The following MTRR variants were observed in gnomAD, a reference collection of about 807,000 sequenced individuals.
MTRR encodes 5-methyltetrahydrofolate-homocysteine methyltransferase reductase.
A neutral mutation model predicts 79.2 loss-of-function variants in MTRR; 63 were observed. That is an observed-to-expected ratio of 0.80 (90% CI 0.65 to 0.98). MTRR has a LOEUF of 0.98. MTRR is among the 50% of genes least tolerant of loss of function. MTRR has a pLI of 0.00. For missense variants in MTRR, 895 were observed against 839.6 expected (o/e 1.07, Z -0.82); for synonymous variants, 355 against 313.3 (o/e 1.13, Z -1.41).
At chr5:7,898,758 A>AG (rs1040973312) in intron 14 of MTRR, among the ~76,000 whole-genome samples, 2 of 152,212 alleles carry the variant, frequency 1.3e-5, no homozygotes, top group African/African-American at 4.8e-5. Context: ...GTGAGGGGCC[A>AG]GGACATGTTC....
intron 8 of MTRR, 124 bp downstream of exon 8, chr5:7,886,827 T>A: frequency 1.3e-6 from 1 of 762,326 alleles, no homozygotes; most frequent in African/African-American, 1.7e-5. Flanking sequence ...ATAGCATGTT[T>A]TTAATATTAG....
chr5:7,861,314 T>C (rs751499927), intron 1 of MTRR: 3 of 1,046,246 alleles, frequency 2.9e-6, no homozygotes, highest in South Asian at 4.1e-5. Context: ...TAATCCAAAA[T>C]ATTTATTATA....
intron 10 of MTRR, among the ~76,000 whole-genome samples, chr5:7,892,510 A>C (rs1285539087): frequency 6.6e-6 from 1 of 152,174 alleles, no homozygotes. Flanking sequence ...AAGCAAATAA[A>C]ATTGGAAACT....
chr5:7,900,583 C>T lies in MTRR; in HGVS notation c.*525C>T, dbSNP rs1206966896. On this transcript the variant is annotated 3_prime_UTR_variant, in exon 15 of 15. Transcript: ENST00000440940. ...GTAACTATCAAATGGTTATTTGTTA[C>T]TAAAGCTATATTTCTGATAAAAAAT... The T allele has an allele frequency of 6.5e-6, 1 of 153,410 alleles. No homozygotes were observed. The highest frequency in any genetic ancestry group is 1.5e-5 in the Non-Finnish European group (1 of 68,652). The allele number at this position is 153,410 out of a possible 1,614,324, so 9.5% of individuals were successfully genotyped here. A position where few individuals can be genotyped will look rare whatever the true frequency, so the allele number is the denominator to read the frequency against.
intron 6 of MTRR, among the ~76,000 whole-genome samples, chr5:7,884,665 C>G (rs1007122744): frequency 3.3e-5 from 5 of 152,078 alleles, no homozygotes; most frequent in Admixed American, 1.3e-4. Flanking sequence ...TCCATGGGCC[C>G]CCTTCCTACC....
chr5:7,886,847 G>GT lies in MTRR; in HGVS notation c.1146+145dup. 3 of 694,220 alleles carry GT rather than the reference G, an allele frequency of 4.3e-6. No individual in the cohort carries two copies. In the South Asian group the frequency reaches 4.8e-5, roughly 11 times the overall value. The allele number at this position is 694,220 out of a possible 1,614,324, so 43.0% of individuals were successfully genotyped here. A position where few individuals can be genotyped will look rare whatever the true frequency, so the allele number is the denominator to read the frequency against. ...ATGTTTTTAATATTAGTTCCCAAGG[G>GT]TGTGTGCTATCATCGTAACTATCAT... On this transcript the variant is annotated intron_variant, in intron 8 of 14. Transcript: ENST00000440940.
chr5:7,888,804 TA>T lies in MTRR; in HGVS notation c.1147-285del, dbSNP rs1362971894. Among the ~76,000 whole-genome samples the T allele has an allele frequency of 3.3e-5, 5 of 152,346 alleles. No homozygotes were observed. The East Asian group carries it at 9.6e-4, about 29-fold the overall frequency. ...TTAATAACTTGTAATTGCATTGAAA[TA>T]AAAAATTCTTACTAGCAAGTTTGAT... On this transcript the variant is annotated intron_variant, in intron 8 of 14. Coordinates refer to ENST00000440940, the MANE Select transcript of MTRR (RefSeq NM_002454.3).
chr5:7,880,729 G>A (rs1009115974), intron 5 of MTRR, among the ~76,000 whole-genome samples: 5 of 152,146 alleles, frequency 3.3e-5, no homozygotes, highest in African/African-American at 1.2e-4. Flanking sequence ...TAACGTCATA[G>A]GCCAATAATT....
Position 7,900,033 on chromosome 5 carries a change from G to A in MTRR, c.2072G>A (p.Arg691His), listed in dbSNP as rs1320146714. 31 of 1,613,648 alleles carry A rather than the reference G, an allele frequency of 1.9e-5. No homozygotes were observed. The highest frequency in any genetic ancestry group is 2.7e-5 in the African/African-American group (2 of 74,862). Residue 691 changes from arginine (R) to histidine (H), a missense_variant, in exon 15 of 15, where the codon CGC becomes CAC. Arg to His is a conservative substitution (Grantham distance 29). Coordinates refer to ENST00000440940, the MANE Select transcript of MTRR (RefSeq NM_002454.3). The part of the protein sequence containing the change: ...KTLATLKEEK[R>H]YLQDIWS Reference sequence around the variant, plus strand: ...CTGGCCACTTTAAAAGAAGAAAAACGCTACCTTCAGGATATTTGGTCATAA... The same window carrying A: ...CTGGCCACTTTAAAAGAAGAAAAACACTACCTTCAGGATATTTGGTCATAA...
intron 8 of MTRR, among the ~76,000 whole-genome samples, chr5:7,888,614 T>A (rs1175179268): frequency 1.3e-5 from 2 of 152,198 alleles, no homozygotes; most frequent in Non-Finnish European, 2.9e-5. Context: ...TTGGGAACAG[T>A]GATTTTGTCC....
chr5:7,878,782 T>C (rs1735016148), intron 5 of MTRR, among the ~76,000 whole-genome samples: 1 of 152,236 alleles, frequency 6.6e-6, no homozygotes, highest in African/African-American at 2.4e-5. Context: ...AATAGCTAAT[T>C]TCTCCCCACA....
At chr5:7,866,532 G>A (rs1285808549), upstream of MTRR, 12 of 771,656 alleles carry the variant, frequency 1.6e-5, no homozygotes, top group East Asian at 2.0e-4. Flanking sequence ...TCTCATCTTC[G>A]GATCACTATG....
At chr5:7,853,248 A>G (rs952587451) in intron 1 of MTRR, among the ~76,000 whole-genome samples, 4 of 152,102 alleles carry the variant, frequency 2.6e-5, no homozygotes, top group Admixed American at 2.6e-4. Context: ...ATGGTTTTAT[A>G]AGGGGCTCCT....
chr5:7,873,507 C>A lies in MTRR; in HGVS notation c.264C>A (p.His88Gln), dbSNP rs770540418. The change falls in exon 3 of 15, where the codon CAC (histidine) becomes CAA (glutamine). Residue 88 changes from histidine to glutamine, a missense_variant. Transcript: ENST00000440940. ...NQTLPVDFFA[H>Q]LRYGLLGLGD... is the part of the protein sequence containing the mutation. ...CACTGCCGGTTGATTTCTTTGCTCACCTGCGGTATGGGTTACTGGGTAATG... is the reference window on the plus strand; with the variant it reads ...CACTGCCGGTTGATTTCTTTGCTCAACTGCGGTATGGGTTACTGGGTAATG... 1.9e-6 allele frequency: 3 copies of A among 1,614,178 alleles called. No individual in the cohort carries two copies. Among genetic ancestry groups the A allele is most frequent in the African/African-American group, 2.7e-5 (2 of 75,040 alleles).
At chr5:7,853,584 G>T (rs2126572938) in intron 1 of MTRR, among the ~76,000 whole-genome samples, 1 of 152,330 alleles carries the variant, frequency 6.6e-6, no homozygotes, top group East Asian at 1.9e-4. Context: ...GCAAGAAGCA[G>T]GAGAGACACC....
At chr5:7,881,464 G>C (rs1735584516) in intron 5 of MTRR, among the ~76,000 whole-genome samples, 1 of 152,058 alleles carries the variant, frequency 6.6e-6, no homozygotes, top group Admixed American at 6.6e-5. Flanking sequence ...TCATGGGAGG[G>C]ACTGGCCACA....
intron 5 of MTRR, among the ~76,000 whole-genome samples, chr5:7,880,630 T>G (rs1561200364): frequency 6.6e-6 from 1 of 152,198 alleles, no homozygotes; most frequent in East Asian, 1.9e-4. Flanking sequence ...GATGCTATTT[T>G]GTTTCTCTTG....
At chr5:7,868,998 A>G, upstream of MTRR, 1 of 1,002,754 alleles carries the variant, frequency 1.0e-6, no homozygotes, top group Non-Finnish European at 1.6e-6. Context: ...CCGGGCAATC[A>G]CTCCGGGTGG....
chr5:7,896,770 C>G, intron 12 of MTRR, 94 bp from the exon 13 acceptor site: 1 of 956,262 alleles, frequency 1.0e-6, no homozygotes, highest in Non-Finnish European at 1.7e-6. Context: ...TTTTACAAAT[C>G]CGTCTGAGTT....
Sources: gnomAD v4.1 joint callset for allele counts (sites outside exome capture counted in the v4.1 genomes callset) on GRCh38, gnomAD v4.1.1 for gene constraint, MANE v1.5 for transcripts, NCBI Gene and HGNC (gene_info 2026-07-23, HGNC 2026-07-21) for gene names.